PCBP3: variants seen among roughly 807,000 people sequenced by gnomAD.
The protein encoded by PCBP3 is poly(rC) binding protein 3, also known as poly(rC)-binding protein 3.
Under a neutral mutation model 52.7 loss-of-function variants are expected in PCBP3, and 25 were observed. That is an observed-to-expected ratio of 0.47 (90% CI 0.35 to 0.66). The LOEUF (loss-of-function observed/expected upper bound fraction) is 0.66, where lower values mean the gene tolerates loss of function less well. Ranked by LOEUF, PCBP3 falls within the 30% of genes least tolerant of loss-of-function variation. The pLI, the probability that PCBP3 is intolerant of heterozygous loss-of-function variation, is 0.01. For missense variants in PCBP3, 391 were observed against 490.3 expected (o/e 0.80, Z 1.91); for synonymous variants, 162 against 183.0 (o/e 0.89, Z 0.93).
chr21:45,900,684 A>G, intron 8 of PCBP3, 61 bp downstream of exon 8: 1 of 1,184,012 alleles, frequency 8.4e-7, no homozygotes, highest in Non-Finnish European at 1.3e-6. Flanking sequence ...GTGGGTCCCC[A>G]GGCTCTGCCC....
intron 4 of PCBP3, among the ~76,000 whole-genome samples, chr21:45,823,511 G>A (rs149720906): frequency 1.3e-5 from 2 of 152,200 alleles, no homozygotes; most frequent in Non-Finnish European, 2.9e-5. Flanking sequence ...GCAGAACCAC[G>A]CGTGTCCGTT....
chr21:45,885,849 C>T (rs1022623875), intron 5 of PCBP3, among the ~76,000 whole-genome samples: 14 of 152,196 alleles, frequency 9.2e-5, no homozygotes, highest in African/African-American at 2.4e-4. Flanking sequence ...CAGAGGATTC[C>T]GACAGCTCTG....
rs185651124 is a variant in PCBP3, at chr21:45,813,418, T to G, written c.-125-36543T>G. Reference sequence around the variant, plus strand: ...TTAGATCTTCTGATGAGTTCACTCATTATGTTCAGTTTGTTCAGTCTGCCT... The same window carrying G: ...TTAGATCTTCTGATGAGTTCACTCAGTATGTTCAGTTTGTTCAGTCTGCCT... On this transcript the variant is annotated intron_variant, in intron 4 of 17. Transcript: ENST00000681687. 1.3e-4 allele frequency among the ~76,000 whole-genome samples: 20 copies of G among 152,330 alleles called. No homozygotes were observed. In the East Asian group the frequency reaches 3.9e-3, roughly 29 times the overall value.
intron 6 of PCBP3, among the ~76,000 whole-genome samples, chr21:45,898,352 A>G (rs9980523): frequency 0.5 from 19,686 of 39,010 alleles, 4,699 homozygotes; most frequent in South Asian, 0.6. Flanking sequence ...TCTGCACACC[A>G]TCCTCATGGT....
At chr21:45,744,326 C>G (rs1037270081) in intron 3 of PCBP3, 1 of 152,142 alleles carries the variant, frequency 6.6e-6, no homozygotes, top group African/African-American at 2.4e-5. Flanking sequence ...TCCCACGTAG[C>G]TGGGACTACA....
At chr21:45,730,200 C>T (rs2085350328) in intron 2 of PCBP3, among the ~76,000 whole-genome samples, 1 of 151,776 alleles carries the variant, frequency 6.6e-6, no homozygotes, top group Non-Finnish European at 1.5e-5. Context: ...TTTACTGCCT[C>T]CCACATATTT....
intron 5 of PCBP3, among the ~76,000 whole-genome samples, chr21:45,861,292 CCCA>C (rs1225188604): frequency 6.6e-6 from 1 of 152,214 alleles, no homozygotes; most frequent in East Asian, 1.9e-4. Context: ...CACCTTCCAC[CCCA>C]CTGGCAACCA....
At chr21:45,890,303 G>A (rs1170285307) in intron 5 of PCBP3, among the ~76,000 whole-genome samples, 5 of 152,266 alleles carry the variant, frequency 3.3e-5, no homozygotes, top group African/African-American at 1.2e-4. Context: ...AGCTCTGTGC[G>A]CAGCTGAGGG....
chr21:45,712,130 T>G (rs74579233), intron 2 of PCBP3, among the ~76,000 whole-genome samples: 77 of 152,370 alleles, frequency 5.1e-4, no homozygotes, highest in Non-Finnish European at 7.5e-4. Context: ...TATACCTTGA[T>G]TTGTTTATCC....
At chr21:45,839,246 C>T (rs2093650770) in intron 4 of PCBP3, among the ~76,000 whole-genome samples, 1 of 152,162 alleles carries the variant, frequency 6.6e-6, no homozygotes, top group Admixed American at 6.5e-5. Context: ...TCTTCTTCCT[C>T]CTCTCCCACT....
intron 4 of PCBP3, among the ~76,000 whole-genome samples, chr21:45,770,557 A>G (rs904462302): frequency 3.3e-5 from 5 of 152,090 alleles, no homozygotes; most frequent in Non-Finnish European, 7.4e-5. Context: ...CTGCTCCCTG[A>G]AGGAGAAGTC....
At chr21:45,683,753 G>C (rs1256895078) in intron 2 of PCBP3, among the ~76,000 whole-genome samples, 6 of 151,634 alleles carry the variant, frequency 4.0e-5, no homozygotes. Flanking sequence ...GATGAAACCC[G>C]GTCTCTACTA....
chr21:45,666,655 A>G (rs2080813675), intron 1 of PCBP3, among the ~76,000 whole-genome samples: 1 of 150,406 alleles, frequency 6.6e-6, no homozygotes, highest in African/African-American at 2.4e-5. Context: ...TTCTTTCATG[A>G]TTTTGCATAT....
At chr21:45,699,647 TG>T (rs1157901697) in intron 2 of PCBP3, among the ~76,000 whole-genome samples, 1 of 152,208 alleles carries the variant, frequency 6.6e-6, no homozygotes, top group East Asian at 1.9e-4. Flanking sequence ...TCCACATGGC[TG>T]GGGAGGCCCT....
chr21:45,786,394 G>A (rs1453629644), intron 4 of PCBP3, among the ~76,000 whole-genome samples: 1 of 151,806 alleles, frequency 6.6e-6, no homozygotes, highest in Non-Finnish European at 1.5e-5. Flanking sequence ...GGGTTCAAGC[G>A]ATTCTCCTCC....
At chr21:45,673,884 C>T (rs1350024196) in intron 2 of PCBP3, 1 of 152,076 alleles carries the variant, frequency 6.6e-6, no homozygotes, top group Non-Finnish European at 1.5e-5. Context: ...TAGTTGGGTG[C>T]TCTTCTATAG....
At chr21:45,856,275 A>G (rs2094291060) in intron 5 of PCBP3, among the ~76,000 whole-genome samples, 1 of 152,128 alleles carries the variant, frequency 6.6e-6, no homozygotes, top group Admixed American at 6.5e-5. Context: ...CATAATAAGG[A>G]CCTTGGTCTC....
At chr21:45,714,750 G>T (rs1442583302) in intron 2 of PCBP3, among the ~76,000 whole-genome samples, 1 of 152,216 alleles carries the variant, frequency 6.6e-6, no homozygotes, top group Admixed American at 6.5e-5. Context: ...CATGAAGTCA[G>T]TTAATATGTA....
chr21:45,846,713 G>A (rs12482094), intron 4 of PCBP3, among the ~76,000 whole-genome samples: 25,247 of 152,080 alleles, frequency 0.17, 2,270 homozygotes, highest in Middle Eastern at 0.3. Context: ...ATATGGCTTC[G>A]CCGCGCACTG....
Sources: gnomAD v4.1 joint callset for allele counts (sites outside exome capture counted in the v4.1 genomes callset) on GRCh38, gnomAD v4.1.1 for gene constraint, MANE v1.5 for transcripts, NCBI Gene and HGNC (gene_info 2026-07-23, HGNC 2026-07-21) for gene names.